Variants in SLCO5A1 observed in about 807,000 individuals in gnomAD.
SLCO5A1 encodes organic anion transporter polypeptide-related protein 4.
Under a neutral mutation model 65.1 loss-of-function variants are expected in SLCO5A1, and 39 were observed. That is an observed-to-expected ratio of 0.60 (90% CI 0.46 to 0.78). SLCO5A1 has a LOEUF of 0.78. Ranked by LOEUF, SLCO5A1 falls within the 30% of genes least tolerant of loss-of-function variation. The probability of loss-of-function intolerance (pLI) is 0.00; values close to 1 mark genes in which losing one functional copy is unlikely to be tolerated. For synonymous variants in SLCO5A1, 438 were observed against 415.7 expected (o/e 1.05, Z -0.65); for missense variants, 1,029 against 1,069.4 (o/e 0.96, Z 0.53).
intron 2 of SLCO5A1, among the ~76,000 whole-genome samples, chr8:69,821,411 A>G (rs986721189): frequency 6.6e-6 from 1 of 151,742 alleles, no homozygotes; most frequent in Non-Finnish European, 1.5e-5. Flanking sequence ...AGGATAAAGA[A>G]GAGGAAGAAG....
chr8:69,727,983 T>C (rs943512872), intron 5 of SLCO5A1, among the ~76,000 whole-genome samples: 4 of 152,162 alleles, frequency 2.6e-5, no homozygotes, highest in Non-Finnish European at 4.4e-5. Flanking sequence ...ATGGGTTATT[T>C]AGTATGAAGT....
chr8:69,721,965 A>G (rs1815843532), intron 5 of SLCO5A1, among the ~76,000 whole-genome samples: 1 of 152,184 alleles, frequency 6.6e-6, no homozygotes, highest in Admixed American at 6.5e-5. Flanking sequence ...TCAGGTCAGG[A>G]GTTGAAGACC....
intron 5 of SLCO5A1, among the ~76,000 whole-genome samples, chr8:69,716,420 C>T (rs1014669481): frequency 6.6e-6 from 1 of 152,182 alleles, no homozygotes; most frequent in African/African-American, 2.4e-5. Flanking sequence ...AGTGGCTGCA[C>T]CATTTCACAT....
At chr8:69,827,877 T>C (rs894974974) in intron 2 of SLCO5A1, among the ~76,000 whole-genome samples, 1 of 152,220 alleles carries the variant, frequency 6.6e-6, no homozygotes, top group Non-Finnish European at 1.5e-5. Flanking sequence ...TGATCATGTT[T>C]TGATGACTTT....
chr8:69,712,437 A>C (rs1310707901), intron 5 of SLCO5A1, among the ~76,000 whole-genome samples: 2 of 152,202 alleles, frequency 1.3e-5, no homozygotes, highest in Non-Finnish European at 2.9e-5. Flanking sequence ...TTTCGCTCCA[A>C]TTTTTGCCAA....
chr8:69,682,686 C>T (rs1813835862), intron 6 of SLCO5A1, among the ~76,000 whole-genome samples: 1 of 152,134 alleles, frequency 6.6e-6, no homozygotes, highest in Non-Finnish European at 1.5e-5. Flanking sequence ...AGGCGCCAGG[C>T]TCTACATCTT....
rs778718168 is a variant in SLCO5A1 at position 69,679,481 on chromosome 8, A to C, written c.1921T>G (p.Cys641Gly). ...NENGYAVSGK[C>G]KRTCNTLIPF... is the part of the protein sequence containing the mutation. ...ATAAGAGTATTGCAGGTCCGTTTAC[A>C]TTTCCCAGACACAGCATAGCCGTTC... Residue 641 changes from cysteine to glycine, a missense_variant, in exon 8 of 10, where the codon TGT becomes GGT. Around this residue, in one of 3 missense-constraint regions of SLCO5A1, gnomAD observed 124 missense variants for 184.5 expected, o/e 0.67. Transcript: ENST00000260126. 3.7e-6 allele frequency: 6 copies of C among 1,614,232 alleles called. No individual in the cohort carries two copies. Among genetic ancestry groups the C allele is most frequent in the Non-Finnish European group, 5.1e-6 (6 of 1,180,040 alleles).
chr8:69,805,967 A>C (rs1819974407), intron 2 of SLCO5A1, among the ~76,000 whole-genome samples: 1 of 152,246 alleles, frequency 6.6e-6, no homozygotes, highest in Non-Finnish European at 1.5e-5. Context: ...CCAAGACAAT[A>C]GTTTCCAAAC....
At chr8:69,695,474 T>A (rs1024303677) in intron 6 of SLCO5A1, among the ~76,000 whole-genome samples, 4 of 151,764 alleles carry the variant, frequency 2.6e-5, no homozygotes, top group African/African-American at 9.7e-5. Flanking sequence ...TTAGCCTGGA[T>A]GACAGAGCGA....
At chr8:69,767,889 C>CAAAAAAAAAAAAAAAAAAA (rs746004982) in intron 2 of SLCO5A1, among the ~76,000 whole-genome samples, 2 of 35,020 alleles carry the variant, frequency 5.7e-5, no homozygotes, top group African/African-American at 1.3e-4. Context: ...GACTCCATCT[C>CAAAAAAAAAAAAAAAAAAA]AAAAAAAAAA....
chr8:69,756,298 G>A (rs547629837), intron 3 of SLCO5A1, among the ~76,000 whole-genome samples: 8 of 152,110 alleles, frequency 5.3e-5, no homozygotes, highest in Admixed American at 1.3e-4. Context: ...CCAGCTACTC[G>A]GGAGGCTGAG....
At chr8:69,674,494 T>C (rs770676366) in intron 9 of SLCO5A1, among the ~76,000 whole-genome samples, 3 of 152,188 alleles carry the variant, frequency 2.0e-5, no homozygotes, top group Non-Finnish European at 1.5e-5. Flanking sequence ...AAAACTCTTT[T>C]TCTGCTTCAG....
At chr8:69,811,200 C>T (rs1820191378) in intron 2 of SLCO5A1, among the ~76,000 whole-genome samples, 1 of 152,104 alleles carries the variant, frequency 6.6e-6, no homozygotes, top group Admixed American at 6.5e-5. Context: ...ATTTTAAGGT[C>T]CAGAACTGGA....
chr8:69,766,918 T>C (rs1404791135), intron 2 of SLCO5A1, among the ~76,000 whole-genome samples: 1 of 152,204 alleles, frequency 6.6e-6, no homozygotes, highest in African/African-American at 2.4e-5. Context: ...ATTCAGCCAG[T>C]GAACGCTCTA....
At chr8:69,719,144 C>T (rs1231408079) in intron 5 of SLCO5A1, among the ~76,000 whole-genome samples, 2 of 152,174 alleles carry the variant, frequency 1.3e-5, no homozygotes, top group Admixed American at 6.5e-5. Context: ...ATCAGTTCAC[C>T]TTGCTCTCTG....
rs528041682 is a variant in SLCO5A1, at chr8:69,673,410, T to C, written c.2090-84A>G. On this transcript the variant is annotated intron_variant, in intron 9 of 9. Transcript: ENST00000260126. The stretch of plus-strand genomic sequence containing the variant: ...GGTTTGTAAATTAGCAAGGTACTTG[T>C]GTGCTCTAAAACCAGTTGAGGGGAG... The C allele has an allele frequency of 1.1e-4, 141 of 1,242,264 alleles. No homozygotes were observed. In the East Asian group the frequency reaches 3.2e-3, roughly 28 times the overall value. 77.0% of individuals were successfully genotyped at this position (1,242,264 alleles called of 1,614,324 possible).
chr8:69,726,552 T>C (rs1365935916), intron 5 of SLCO5A1, among the ~76,000 whole-genome samples: 1 of 147,362 alleles, frequency 6.8e-6, no homozygotes, highest in Non-Finnish European at 1.5e-5. Flanking sequence ...CAGGCTGGAG[T>C]GCAGTGGTGC....
intron 2 of SLCO5A1, among the ~76,000 whole-genome samples, chr8:69,784,951 A>AAAGAAAGAAAGC (rs1472456387): frequency 4.1e-5 from 6 of 147,264 alleles, no homozygotes; most frequent in African/African-American, 1.3e-4. Context: ...AGAAAGAAAG[A>AAAGAAAGAAAGC]AGAAAGGAAG....
At chr8:69,739,579 C>CTA (rs1816710389) in intron 4 of SLCO5A1, among the ~76,000 whole-genome samples, 1 of 152,048 alleles carries the variant, frequency 6.6e-6, no homozygotes, top group Admixed American at 6.6e-5. Context: ...TGTATTAAAG[C>CTA]TATAATTCAT....
Sources: gnomAD v4.1 joint callset for allele counts (sites outside exome capture counted in the v4.1 genomes callset) on GRCh38, gnomAD v4.1.1 for gene constraint, gnomAD v4.1.1 regional missense constraint, MANE v1.5 for transcripts, NCBI Gene and HGNC (gene_info 2026-07-23, HGNC 2026-07-21) for gene names.